The following DCC variants were observed in gnomAD, a reference collection of about 807,000 sequenced individuals.
DCC encodes the protein DCC netrin 1 receptor, also known as netrin receptor DCC.
Under a neutral mutation model 172.5 loss-of-function variants are expected in DCC, and 58 were observed. That is an observed-to-expected ratio of 0.34 (90% CI 0.27 to 0.42). DCC has a LOEUF of 0.42. Among genes scored for constraint, DCC ranks in the 10% least tolerant of loss-of-function variants. DCC has a pLI of 1.00. For missense variants in DCC, 1,740 were observed against 1,791.0 expected, an observed-to-expected ratio of 0.97 and a Z score of 0.51; for synonymous variants, 709 against 644.5, an observed-to-expected ratio of 1.10 and a Z score of -1.52.
chr18:52,865,768 A>C (rs1340252156), intron 2 of DCC, among the ~76,000 whole-genome samples: 11 of 152,048 alleles, frequency 7.2e-5, no homozygotes, highest in Non-Finnish European at 1.3e-4. Flanking sequence ...AGACAGATAG[A>C]TTGCAAAATT....
chr18:52,755,111 C>T (rs755109781), intron 2 of DCC, among the ~76,000 whole-genome samples: 3 of 152,140 alleles, frequency 2.0e-5, no homozygotes, highest in Non-Finnish European at 2.9e-5. Flanking sequence ...CAGAATGCTC[C>T]AAATGAAGTG....
intron 5 of DCC, among the ~76,000 whole-genome samples, chr18:53,052,145 A>G (rs2042342478): frequency 6.6e-6 from 1 of 151,804 alleles, no homozygotes; most frequent in East Asian, 1.9e-4. Flanking sequence ...TAATTTATGT[A>G]TTAGTTATAT....
At chr18:52,967,402 T>C (rs776179253) in intron 5 of DCC, among the ~76,000 whole-genome samples, 4 of 152,204 alleles carry the variant, frequency 2.6e-5, no homozygotes, top group Non-Finnish European at 5.9e-5. Flanking sequence ...ATTACTCAAA[T>C]GTCAAAAGTT....
intron 3 of DCC, among the ~76,000 whole-genome samples, chr18:52,910,611 A>T (rs1212306585): frequency 6.6e-6 from 1 of 152,140 alleles, no homozygotes; most frequent in Non-Finnish European, 1.5e-5. Context: ...TGTCAAGTTC[A>T]CTTTATTCAT....
At chr18:53,046,609 A>G (rs1177904487) in intron 5 of DCC, among the ~76,000 whole-genome samples, 4 of 151,974 alleles carry the variant, frequency 2.6e-5, no homozygotes, top group African/African-American at 7.2e-5. Context: ...AAAGTGTTAA[A>G]AAGTTGGGAA....
intron 9 of DCC, among the ~76,000 whole-genome samples, chr18:53,188,279 T>C (rs889707536): frequency 6.6e-6 from 1 of 152,192 alleles, no homozygotes; most frequent in Non-Finnish European, 1.5e-5. Context: ...GATTCCTAAG[T>C]ACAGGCATGC....
intron 1 of DCC, among the ~76,000 whole-genome samples, chr18:52,600,125 T>G (rs2033987899): frequency 6.6e-6 from 1 of 152,218 alleles, no homozygotes; most frequent in Non-Finnish European, 1.5e-5. Context: ...TTCCTTGAAG[T>G]GTTGAAGTTT....
intron 5 of DCC, among the ~76,000 whole-genome samples, chr18:53,023,524 C>T (rs2041914414): frequency 6.6e-6 from 1 of 151,472 alleles, no homozygotes; most frequent in Non-Finnish European, 1.5e-5. Flanking sequence ...AACCCCAGCA[C>T]CACGCAATTT....
At chr18:53,396,575 A>G (rs775601003) in intron 17 of DCC, among the ~76,000 whole-genome samples, 11 of 152,190 alleles carry the variant, frequency 7.2e-5, no homozygotes, top group Non-Finnish European at 1.5e-4. Flanking sequence ...CCATCGTTAA[A>G]TGTTTGTTTA....
intron 1 of DCC, among the ~76,000 whole-genome samples, chr18:52,546,587 G>T (rs1215392412): frequency 6.6e-6 from 1 of 151,974 alleles, no homozygotes; most frequent in Non-Finnish European, 1.5e-5. Flanking sequence ...GAGGCATCTG[G>T]GCCTAGTCCC....
intron 1 of DCC, among the ~76,000 whole-genome samples, chr18:52,370,378 C>T (rs932144966): frequency 6.6e-6 from 1 of 152,000 alleles, no homozygotes. Flanking sequence ...ACATATACAC[C>T]ATGGAATAAA....
At chr18:52,982,422 A>G (rs2041226835) in intron 5 of DCC, among the ~76,000 whole-genome samples, 1 of 152,200 alleles carries the variant, frequency 6.6e-6, no homozygotes, top group African/African-American at 2.4e-5. Flanking sequence ...GAGTTGAGCC[A>G]GGGAAGCTAA....
chr18:52,578,509 T>A (rs1568237958), intron 1 of DCC, among the ~76,000 whole-genome samples: 1 of 152,328 alleles, frequency 6.6e-6, no homozygotes, highest in East Asian at 1.9e-4. Flanking sequence ...GTTATTTGTA[T>A]GAAATTTTTG....
At chr18:53,121,720 A>G (rs2043486667) in intron 7 of DCC, among the ~76,000 whole-genome samples, 1 of 151,912 alleles carries the variant, frequency 6.6e-6, no homozygotes, top group Non-Finnish European at 1.5e-5. Context: ...ACTGTGGTTA[A>G]TAATTTTACA....
intron 5 of DCC, among the ~76,000 whole-genome samples, chr18:53,057,813 G>A (rs1344729492): frequency 6.6e-6 from 1 of 152,066 alleles, no homozygotes; most frequent in Non-Finnish European, 1.5e-5. Flanking sequence ...GGGAGAAAGC[G>A]TAATGTGCAA....
chr18:53,308,849 TC>T (rs199610037), intron 13 of DCC, among the ~76,000 whole-genome samples: 2,521 of 152,206 alleles, frequency 0.017, 26 homozygotes, highest in Non-Finnish European at 0.026. Context: ...AGGCCAGAAG[TC>T]TGACATTAAG....
intron 24 of DCC, among the ~76,000 whole-genome samples, chr18:53,461,095 G>T (rs1211314900): frequency 6.6e-6 from 1 of 152,168 alleles, no homozygotes; most frequent in Non-Finnish European, 1.5e-5. Flanking sequence ...AGAAGTGTCT[G>T]TTCATGTCCT....
chr18:53,246,600 C>G (rs1185680360), intron 12 of DCC, among the ~76,000 whole-genome samples: 1 of 151,840 alleles, frequency 6.6e-6, no homozygotes, highest in South Asian at 2.1e-4. Flanking sequence ...GACAATGTTG[C>G]CTCATGGGCA....
chr18:52,662,449 A>T (rs563702996), intron 1 of DCC, among the ~76,000 whole-genome samples: 1 of 149,780 alleles, frequency 6.7e-6, no homozygotes, highest in African/African-American at 2.4e-5. Context: ...GGACATGATG[A>T]CATTTCAGAA....
Sources: allele counts gnomAD v4.1 joint callset (sites outside exome capture counted in the v4.1 genomes callset), GRCh38; gene constraint gnomAD v4.1.1; transcripts MANE v1.5; gene names NCBI Gene and HGNC (gene_info 2026-07-23, HGNC 2026-07-21).